Variants in DIAPH2 observed in about 807,000 individuals in gnomAD.
DIAPH2 encodes protein diaphanous homolog 2.
A neutral mutation model predicts 92.7 loss-of-function variants in DIAPH2; 35 were observed. That is an observed-to-expected ratio of 0.38 (90% CI 0.29 to 0.50). The LOEUF (loss-of-function observed/expected upper bound fraction) is 0.50, where lower values mean the gene tolerates loss of function less well. DIAPH2 is among the 20% of genes least tolerant of loss of function. DIAPH2 has a pLI of 0.94. For synonymous variants in DIAPH2, 301 were observed against 280.4 expected, an observed-to-expected ratio of 1.07 and a Z score of -0.73; for missense variants, 701 against 819.5, an observed-to-expected ratio of 0.86 and a Z score of 1.77.
chrX:97,348,856 G>T (rs2069181503), intron 24 of DIAPH2, among the ~76,000 whole-genome samples: 1 of 109,630 alleles, frequency 9.1e-6, no homozygotes, highest in Admixed American at 9.9e-5. Flanking sequence ...GGAATCAAAG[G>T]CTTTGCTATA....
At position 97,351,758 on chromosome X, in the gene DIAPH2, A is replaced by G. The variant is rs536325539; in HGVS notation, c.3009+3478A>G. Among the ~76,000 whole-genome samples the G allele has an allele frequency of 7.7e-4, 85 of 110,924 alleles. 1 individual carries two copies. In the South Asian group the frequency reaches 0.022, roughly 29 times the overall value. On this transcript the variant is annotated intron_variant, in intron 24 of 26. Coordinates refer to ENST00000324765, the MANE Select transcript of DIAPH2 (RefSeq NM_006729.5). ...GCGGAGCTTGCAGTGAGCCAAGATC[A>G]CGCCACTGTACTCCAGCCTGGGCGA... is the stretch of plus-strand genomic sequence containing the variant.
chrX:97,332,636 T>G (rs990211934), intron 23 of DIAPH2, among the ~76,000 whole-genome samples: 11 of 111,448 alleles, frequency 9.9e-5, no homozygotes, highest in African/African-American at 3.6e-4. Flanking sequence ...AAAATGGAAA[T>G]AAAATGTCCA....
At position 96,702,073 on chromosome X, in the gene DIAPH2, T is replaced by C. The variant is rs2063858416; in HGVS notation, c.132+16883T>C. The stretch of plus-strand genomic sequence containing the variant: ...AAATGAGCTGTAATTTTCTATTTTT[T>C]ACATAAATATGTTTTATTTTTCTCC... On this transcript the variant is annotated intron_variant, in intron 1 of 26. Transcript: ENST00000324765. Among the ~76,000 whole-genome samples, 3 of 112,429 alleles carry C rather than the reference T, an allele frequency of 2.7e-5. No homozygotes were observed. In the South Asian group the frequency reaches 1.1e-3, roughly 41 times the overall value.
chrX:97,092,305 T>C (rs1235473895), intron 19 of DIAPH2, among the ~76,000 whole-genome samples: 15 of 112,898 alleles, frequency 1.3e-4, no homozygotes, highest in Non-Finnish European at 3.7e-5. Context: ...TTCCTCTGGG[T>C]AACTAATCAG....
At chrX:97,481,317 A>T (rs1050503811) in intron 26 of DIAPH2, among the ~76,000 whole-genome samples, 5 of 111,586 alleles carry the variant, frequency 4.5e-5, no homozygotes, top group Admixed American at 9.6e-5. Context: ...CAAACTCCAC[A>T]CACAAGAAGT....
At chrX:97,312,311 T>G (rs959068824) in intron 23 of DIAPH2, among the ~76,000 whole-genome samples, 2 of 108,619 alleles carry the variant, frequency 1.8e-5, no homozygotes, top group Non-Finnish European at 3.8e-5. Flanking sequence ...CATATGAAAT[T>G]GCCAATATTT....
chrX:96,974,901 C>A, intron 17 of DIAPH2, among the ~76,000 whole-genome samples: 1 of 111,192 alleles, frequency 9.0e-6, no homozygotes, highest in East Asian at 2.8e-4. Context: ...ATTAGAATTT[C>A]TAGGGTTCTC....
chrX:97,191,504 C>T (rs2067653585), intron 22 of DIAPH2, among the ~76,000 whole-genome samples: 1 of 110,882 alleles, frequency 9.0e-6, no homozygotes, highest in Non-Finnish European at 1.9e-5. Flanking sequence ...GGGAAGCAGG[C>T]TTAAGGAGAG....
chrX:97,024,294 A>G (rs753275335), intron 17 of DIAPH2, among the ~76,000 whole-genome samples: 15 of 112,433 alleles, frequency 1.3e-4, no homozygotes, highest in Non-Finnish European at 3.8e-5. Context: ...AATGTTACCA[A>G]ACTCTTCTAA....
At position 96,860,237 on chromosome X, in the gene DIAPH2, A is replaced by G. The variant is rs745401268; in HGVS notation, c.448-21342A>G. On this transcript the variant is annotated intron_variant, in intron 4 of 26. Transcript: ENST00000324765. ...TAAAATATAAAACACTCAGAAAAATACCTGCAAGTTTATTACACACGGGAT... is the reference window on the plus strand; with the variant it reads ...TAAAATATAAAACACTCAGAAAAATGCCTGCAAGTTTATTACACACGGGAT... Among the ~76,000 whole-genome samples the G allele has an allele frequency of 8.0e-5, 9 of 112,363 alleles. No individual in the cohort carries two copies. The South Asian group carries it at 3.3e-3, about 42-fold the overall frequency.
At chrX:96,806,801 C>T (rs1186731217) in intron 4 of DIAPH2, among the ~76,000 whole-genome samples, 1 of 103,530 alleles carries the variant, frequency 9.7e-6, no homozygotes, top group African/African-American at 3.5e-5. Flanking sequence ...AGTGCAGTGG[C>T]GTGAGCTCAG....
At chrX:96,872,861 A>G (rs1389315010) in intron 4 of DIAPH2, among the ~76,000 whole-genome samples, 2 of 111,562 alleles carry the variant, frequency 1.8e-5, no homozygotes, top group African/African-American at 3.3e-5. Context: ...AATCTTGGCT[A>G]TTGTGAATAC....
chrX:97,473,461 A>C (rs947610612), intron 26 of DIAPH2, among the ~76,000 whole-genome samples: 9 of 111,093 alleles, frequency 8.1e-5, no homozygotes, highest in African/African-American at 2.9e-4. Flanking sequence ...CAGCCTCCTG[A>C]GTAGCTGGGA....
chrX:96,765,193 GTT>G (rs142407154), intron 4 of DIAPH2, among the ~76,000 whole-genome samples: 7,426 of 82,719 alleles, frequency 0.09, 243 homozygotes, highest in East Asian at 0.2. Flanking sequence ...ATATTCACAT[GTT>G]TTTTTTTTTT....
chrX:96,887,764 T>C (rs1421684545), intron 5 of DIAPH2, among the ~76,000 whole-genome samples: 1 of 111,981 alleles, frequency 8.9e-6, no homozygotes, highest in Non-Finnish European at 1.9e-5. Context: ...TAGCAAGAAT[T>C]ATGTTTGTTC....
At chrX:97,368,899 C>CTTTTTTTTT (rs386417287) in intron 24 of DIAPH2, among the ~76,000 whole-genome samples, 551 of 51,936 alleles carry the variant, frequency 0.011, 25 homozygotes, top group East Asian at 0.016. Context: ...TCTACCCTTT[C>CTTTTTTTTT]TTTTTTTTTT....
chrX:96,949,511 T>C lies in DIAPH2; in HGVS notation c.1614+472T>C, dbSNP rs187415365. 3.3e-3 allele frequency among the ~76,000 whole-genome samples: 364 copies of C among 109,246 alleles called. 1 individual carries two copies. Among genetic ancestry groups the C allele is most frequent in the African/African-American group, 0.012 (351 of 30,014 alleles). 94.9% of individuals were successfully genotyped at this position (109,246 alleles called of 115,157 possible). On this transcript the variant is annotated intron_variant, in intron 15 of 26. Transcript: ENST00000324765. ...TCTAAACTTTCAAACTGATTGTGTA[T>C]TCTCCTCAATATACTTTATGTCTTA...
chrX:96,818,824 G>T (rs1023963290), intron 4 of DIAPH2, among the ~76,000 whole-genome samples: 4 of 112,479 alleles, frequency 3.6e-5, no homozygotes, highest in Non-Finnish European at 7.5e-5. Flanking sequence ...GTATAGCAAT[G>T]GTCCCCCAAC....
In DIAPH2 at chrX:97,183,654, G is replaced by A. The variant is rs183334084; in HGVS notation, c.2719+41860G>A. 4.5e-5 allele frequency among the ~76,000 whole-genome samples: 5 copies of A among 112,117 alleles called. No homozygotes were observed. The Admixed American group carries it at 4.7e-4, about 11-fold the overall frequency. On this transcript the variant is annotated intron_variant, in intron 22 of 26. Coordinates refer to ENST00000324765, the MANE Select transcript of DIAPH2 (RefSeq NM_006729.5). ...GCAGATTTTTAAAGCTGTTATTTCA[G>A]ATTTTGAACTGATCAGCATGAGACA...
Sources: allele counts gnomAD v4.1 joint callset (sites outside exome capture counted in the v4.1 genomes callset), GRCh38; gene constraint gnomAD v4.1.1; transcripts MANE v1.5; gene names NCBI Gene and HGNC (gene_info 2026-07-23, HGNC 2026-07-21).